The following ASB7 variants were observed in gnomAD, a reference collection of about 807,000 sequenced individuals.
The protein encoded by ASB7 is ankyrin repeat and SOCS box protein 7.
ASB7 carries 4 observed loss-of-function variants against 32.5 expected under a neutral mutation model. The observed-to-expected ratio is 0.12, with a 90% CI of 0.06 to 0.28. The LOEUF is 0.28. ASB7 is among the 10% of genes least tolerant of loss of function. The pLI is 1.00. For missense variants in ASB7, 181 were observed against 407.1 expected (o/e 0.44, Z 4.78); for synonymous variants, 172 against 155.6 (o/e 1.11, Z -0.78).
chr15:100,642,442 A>G (rs2039967840), intron 5 of ASB7, among the ~76,000 whole-genome samples: 1 of 152,214 alleles, frequency 6.6e-6, no homozygotes, highest in Non-Finnish European at 1.5e-5. Context: ...TTGCACTATT[A>G]CATACATACA....
At position 100,647,611 on chromosome 15, in the gene ASB7, G is replaced by T. The variant is rs75131666; in HGVS notation, c.818-712G>T. Among the ~76,000 whole-genome samples, 65 of 152,174 alleles carry T rather than the reference G, an allele frequency of 4.3e-4. No homozygotes were observed. In the East Asian group the frequency reaches 0.012, roughly 28 times the overall value. ...AATTGAGATATAACGGGTTTTTATT[G>T]GCAAGTGATCAGGGTGTGGAAGCTT... is the stretch of plus-strand genomic sequence containing the variant. On this transcript the variant is annotated intron_variant, in intron 5 of 5. Coordinates refer to ENST00000332783, the MANE Select transcript of ASB7 (RefSeq NM_198243.3).
chr15:100,607,565 T>C (rs191846748), intron 2 of ASB7, among the ~76,000 whole-genome samples: 8 of 152,356 alleles, frequency 5.3e-5, no homozygotes, highest in Admixed American at 6.5e-5. Context: ...CACTAGTACA[T>C]GCAGGGAGTA....
chr15:100,635,552 C>T (rs1009348673), intron 5 of ASB7, among the ~76,000 whole-genome samples: 1 of 152,126 alleles, frequency 6.6e-6, no homozygotes, highest in East Asian at 1.9e-4. Flanking sequence ...CCTGCAGTGC[C>T]CTTGTTTCTG....
At chr15:100,628,522 A>G (rs2039859226) in intron 4 of ASB7, among the ~76,000 whole-genome samples, 1 of 152,130 alleles carries the variant, frequency 6.6e-6, no homozygotes, top group Admixed American at 6.5e-5. Context: ...GATCTTTTAC[A>G]TGGAATTGCT....
intron 5 of ASB7, among the ~76,000 whole-genome samples, chr15:100,636,139 T>C (rs2039921471): frequency 6.6e-6 from 1 of 152,200 alleles, no homozygotes; most frequent in South Asian, 2.1e-4. Context: ...TTCCTACCAG[T>C]TTATGGCTTC....
chr15:100,640,289 C>T (rs1257722194), intron 5 of ASB7, among the ~76,000 whole-genome samples: 1 of 152,094 alleles, frequency 6.6e-6, no homozygotes, highest in Non-Finnish European at 1.5e-5. Flanking sequence ...GGACTACAGG[C>T]ACGTGCCACC....
intron 2 of ASB7, among the ~76,000 whole-genome samples, chr15:100,607,779 T>C (rs569024017): frequency 2.0e-5 from 3 of 152,358 alleles, no homozygotes; most frequent in African/African-American, 7.2e-5. Context: ...GACATTTGTT[T>C]GTTTGACTGA....
At chr15:100,622,588 G>A (rs1314868584) in intron 4 of ASB7, among the ~76,000 whole-genome samples, 4 of 152,216 alleles carry the variant, frequency 2.6e-5, no homozygotes. Context: ...AAAACAGCAT[G>A]GTATTGACCT....
chr15:100,646,934 A>T (rs560049217), intron 5 of ASB7, among the ~76,000 whole-genome samples: 6 of 152,312 alleles, frequency 3.9e-5, no homozygotes, highest in African/African-American at 1.4e-4. Context: ...ATCTCAACAG[A>T]TTGAATTCAG....
At chr15:100,634,328 CAT>C (rs1042853908) in intron 5 of ASB7, among the ~76,000 whole-genome samples, 4 of 152,214 alleles carry the variant, frequency 2.6e-5, no homozygotes, top group African/African-American at 4.8e-5. Context: ...CGTGTACACA[CAT>C]ATAAAAGTGA....
intron 5 of ASB7, among the ~76,000 whole-genome samples, chr15:100,632,211 T>G (rs1006715693): frequency 4.6e-5 from 7 of 152,222 alleles, no homozygotes; most frequent in African/African-American, 1.7e-4. Context: ...GGAGCAGAGC[T>G]GTGCGCCTAG....
chr15:100,612,531 A>T, intron 4 of ASB7, 104 bp downstream of exon 4: 1 of 1,072,392 alleles, frequency 9.3e-7, no homozygotes, highest in East Asian at 2.4e-5. Flanking sequence ...TTCTGTTAAT[A>T]CTCAACATAT....
chr15:100,613,718 C>G (rs2039716430), intron 4 of ASB7, among the ~76,000 whole-genome samples: 1 of 152,200 alleles, frequency 6.6e-6, no homozygotes, highest in South Asian at 2.1e-4. Context: ...TTTATTCCAC[C>G]TAGTCCTGTT....
intron 3 of ASB7, among the ~76,000 whole-genome samples, chr15:100,611,952 T>A (rs576697829): frequency 2.0e-5 from 3 of 151,884 alleles, no homozygotes; most frequent in South Asian, 4.2e-4. Flanking sequence ...CCCAAGTAGC[T>A]GGGACTGATC....
chr15:100,611,681 T>G (rs962725484), intron 3 of ASB7, among the ~76,000 whole-genome samples: 2 of 151,102 alleles, frequency 1.3e-5, no homozygotes, highest in African/African-American at 4.9e-5. Flanking sequence ...GGTTTCACTA[T>G]GTTGGCCAGG....
At chr15:100,625,654 A>C (rs984799764) in intron 4 of ASB7, among the ~76,000 whole-genome samples, 4 of 152,176 alleles carry the variant, frequency 2.6e-5, no homozygotes, top group African/African-American at 9.7e-5. Context: ...GTGGCGTTCT[A>C]ATCAGAATTC....
chr15:100,637,890 G>A (rs1462772681), intron 5 of ASB7, among the ~76,000 whole-genome samples: 1 of 151,876 alleles, frequency 6.6e-6, no homozygotes, highest in Non-Finnish European at 1.5e-5. Context: ...ACATTAAAAG[G>A]GATTTACAGA....
chr15:100,615,537 A>T (rs2039735601), intron 4 of ASB7, among the ~76,000 whole-genome samples: 1 of 152,206 alleles, frequency 6.6e-6, no homozygotes, highest in Non-Finnish European at 1.5e-5. Context: ...GAATTTTCAC[A>T]GCAGGAGATT....
intron 5 of ASB7, chr15:100,630,355 T>A (rs1034980289): frequency 2.8e-5 from 9 of 323,954 alleles, no homozygotes; most frequent in South Asian, 1.8e-4. Context: ...CAATTCCTGT[T>A]GGTCATAAGG....
Sources: allele counts gnomAD v4.1 joint callset (sites outside exome capture counted in the v4.1 genomes callset), GRCh38; gene constraint gnomAD v4.1.1; transcripts MANE v1.5; gene names NCBI Gene and HGNC (gene_info 2026-07-23, HGNC 2026-07-21).